The following IL7 variants were observed in gnomAD, a reference collection of about 807,000 sequenced individuals.
The protein encoded by IL7 is interleukin-7.
A neutral mutation model predicts 21.6 loss-of-function variants in IL7; 3 were observed. That is an observed-to-expected ratio of 0.14 (90% CI 0.06 to 0.36). The LOEUF is 0.36. IL7 is among the 10% of genes least tolerant of loss of function. IL7 has a pLI of 1.00. For missense variants in IL7, 175 were observed against 200.2 expected, an observed-to-expected ratio of 0.87 and a Z score of 0.76; for synonymous variants, 62 against 68.1, an observed-to-expected ratio of 0.91 and a Z score of 0.44.
At chr8:78,687,002 T>TA (rs547701119) in intron 3 of IL7, among the ~76,000 whole-genome samples, 48 of 151,992 alleles carry the variant, frequency 3.2e-4, no homozygotes, top group Admixed American at 9.2e-4. Flanking sequence ...GAGATTGATA[T>TA]AAAAAAAATC....
chr8:78,678,948 G>A (rs1432841579), intron 4 of IL7: 1 of 214,792 alleles, frequency 4.7e-6, no homozygotes, highest in African/African-American at 2.3e-5. Flanking sequence ...GATTTTTATA[G>A]CATTGGAGAG....
intron 2 of IL7, among the ~76,000 whole-genome samples, chr8:78,754,915 G>T (rs1351281207): frequency 7.2e-5 from 11 of 152,028 alleles, no homozygotes; most frequent in Admixed American, 7.2e-4. Context: ...CCCTAAAAAT[G>T]TTCTGAAGCA....
chr8:78,683,293 A>C (rs1327288117), intron 4 of IL7, among the ~76,000 whole-genome samples: 1 of 152,208 alleles, frequency 6.6e-6, no homozygotes, highest in Non-Finnish European at 1.5e-5. Context: ...GAGGTTCTCC[A>C]TGAGGGCCCC....
At chr8:78,728,807 A>T (rs1239541450), downstream of IL7, among the ~76,000 whole-genome samples, 1 of 151,960 alleles carries the variant, frequency 6.6e-6, no homozygotes, top group Non-Finnish European at 1.5e-5. Flanking sequence ...TGCACAGCAC[A>T]GTCACCATCA....
At chr8:78,741,023 C>T (rs1811761939) in intron 2 of IL7, among the ~76,000 whole-genome samples, 1 of 152,172 alleles carries the variant, frequency 6.6e-6, no homozygotes, top group African/African-American at 2.4e-5. Context: ...TCCATGCTAT[C>T]AGAGCTTCTG....
intron 2 of IL7, among the ~76,000 whole-genome samples, chr8:78,757,737 G>T (rs966600242): frequency 6.6e-6 from 1 of 151,932 alleles, no homozygotes; most frequent in Non-Finnish European, 1.5e-5. Context: ...CATATGCATG[G>T]GATATGGTTT....
downstream of IL7, among the ~76,000 whole-genome samples, chr8:78,729,930 T>G (rs1324239647): frequency 6.6e-6 from 1 of 151,924 alleles, no homozygotes; most frequent in African/African-American, 2.4e-5. Flanking sequence ...AAGAGTTACT[T>G]GTTGAGCTGA....
At chr8:78,803,068 G>A (rs1814139188) in intron 1 of IL7, among the ~76,000 whole-genome samples, 2 of 152,184 alleles carry the variant, frequency 1.3e-5, no homozygotes, top group African/African-American at 4.8e-5. Context: ...TTCGTTCTAT[G>A]AAATGGCCTT....
chr8:78,802,330 C>T (rs994393455), intron 1 of IL7, among the ~76,000 whole-genome samples: 4 of 152,162 alleles, frequency 2.6e-5, no homozygotes, highest in African/African-American at 9.7e-5. Flanking sequence ...ATAACCACTT[C>T]ATGAAGAAGT....
chr8:78,790,614 C>T lies in IL7; in HGVS notation c.147+7458G>A, dbSNP rs6473119. Among the ~76,000 whole-genome samples the T allele has an allele frequency of 4.9e-3, 747 of 151,784 alleles. 4 individuals carry two copies. Among genetic ancestry groups the T allele is most frequent in the African/African-American group, 0.015 (605 of 41,410 alleles). On this transcript the variant is annotated intron_variant, in intron 2 of 5. Coordinates refer to ENST00000263851, the MANE Select transcript of IL7 (RefSeq NM_000880.4). ...TCCTTAATATACATATGGACTAGTA[C>T]GGGGAAATAAGACACATACTTAGGT... is the stretch of plus-strand genomic sequence containing the variant.
chr8:78,687,268 C>T (rs1294037342), intron 3 of IL7, among the ~76,000 whole-genome samples: 1 of 151,630 alleles, frequency 6.6e-6, no homozygotes, highest in African/African-American at 2.4e-5. Flanking sequence ...CACATTAATG[C>T]TATGTTAGTA....
chr8:78,748,996 T>C (rs1359874117), intron 2 of IL7, among the ~76,000 whole-genome samples: 24 of 152,210 alleles, frequency 1.6e-4, no homozygotes, highest in Admixed American at 1.4e-3. Context: ...AAAGGTACTA[T>C]GTAGAAGCCT....
chr8:78,748,107 C>T (rs1812044751), intron 2 of IL7, among the ~76,000 whole-genome samples: 1 of 152,022 alleles, frequency 6.6e-6, no homozygotes, highest in Non-Finnish European at 1.5e-5. Flanking sequence ...TGACATAAAG[C>T]CAGAGCTGGA....
intron 2 of IL7, chr8:78,747,107 G>A: frequency 2.2e-6 from 1 of 455,770 alleles, no homozygotes; most frequent in Non-Finnish European, 4.4e-6. Flanking sequence ...CTAAGGATTG[G>A]AAAGTTTTGG....
At chr8:78,799,861 C>A (rs572807620) in intron 1 of IL7, among the ~76,000 whole-genome samples, 1 of 152,152 alleles carries the variant, frequency 6.6e-6, no homozygotes, top group African/African-American at 2.4e-5. Flanking sequence ...TTCCTTCAAC[C>A]TAAAGATCCT....
rs186518540 is a variant in IL7 at position 78,787,296 on chromosome 8, C to A, written c.147+10776G>T. Among the ~76,000 whole-genome samples the A allele has an allele frequency of 2.6e-5, 4 of 152,174 alleles. No homozygotes were observed. In the East Asian group the frequency reaches 5.8e-4, roughly 22 times the overall value. ...GAGGGGGAAGGAGGAGTCATGAAGA[C>A]AGCCTCAACCTGTGCTATGTGGTGC... On this transcript the variant is annotated intron_variant, in intron 2 of 5. Coordinates refer to ENST00000263851, the MANE Select transcript of IL7 (RefSeq NM_000880.4).
chr8:78,681,673 G>A (rs1809783961), intron 4 of IL7, among the ~76,000 whole-genome samples: 2 of 152,106 alleles, frequency 1.3e-5, no homozygotes, highest in South Asian at 4.1e-4. Flanking sequence ...AGCTGAGCCA[G>A]GAGGTTTCTT....
intron 2 of IL7, among the ~76,000 whole-genome samples, chr8:78,788,671 T>G (rs1025142153): frequency 2.0e-5 from 3 of 152,152 alleles, no homozygotes; most frequent in Non-Finnish European, 2.9e-5. Flanking sequence ...GAATATTCCA[T>G]GTGAGTCTGA....
At chr8:78,717,913 T>G (rs1041418475) in exon 7 of IL7, 1 of 155,422 alleles carries the variant, frequency 6.4e-6, no homozygotes, top group Non-Finnish European at 1.4e-5. Flanking sequence ...GGTGCCTATC[T>G]TCAGATAGTA....
Sources: allele counts gnomAD v4.1 joint callset (sites outside exome capture counted in the v4.1 genomes callset), GRCh38; gene constraint gnomAD v4.1.1; transcripts MANE v1.5; gene names NCBI Gene and HGNC (gene_info 2026-07-23, HGNC 2026-07-21).